SLC39A8: variants seen among roughly 807,000 people sequenced by gnomAD.
SLC39A8 encodes metal cation symporter ZIP8.
SLC39A8 carries 15 observed loss-of-function variants against 40.4 expected under a neutral mutation model. That is an observed-to-expected ratio of 0.37 (90% confidence interval 0.25 to 0.57). The LOEUF is 0.57. Ranked by LOEUF, SLC39A8 falls within the 20% of genes least tolerant of loss-of-function variation. SLC39A8 has a pLI of 0.75. For synonymous variants in SLC39A8, 223 were observed against 221.6 expected (o/e 1.01, Z -0.06); for missense variants, 472 against 558.8 (o/e 0.84, Z 1.57).
At chr4:102,268,689 G>A (rs1278234950) in intron 6 of SLC39A8, among the ~76,000 whole-genome samples, 1 of 152,120 alleles carries the variant, frequency 6.6e-6, no homozygotes, top group African/African-American at 2.4e-5. Context: ...GTAACAATAT[G>A]GTCTCTACCA....
At chr4:102,260,259 C>A (rs996188360), downstream of SLC39A8, among the ~76,000 whole-genome samples, 1 of 152,142 alleles carries the variant, frequency 6.6e-6, no homozygotes, top group Non-Finnish European at 1.5e-5. Context: ...CTGAGACAGC[C>A]GATATCCAGT....
chr4:102,277,001 A>C (rs371345486), intron 6 of SLC39A8, among the ~76,000 whole-genome samples: 1 of 152,182 alleles, frequency 6.6e-6, no homozygotes, highest in Non-Finnish European at 1.5e-5. Flanking sequence ...CAATAATAAG[A>C]ACTATTTATG....
intron 2 of SLC39A8, among the ~76,000 whole-genome samples, chr4:102,336,045 G>T (rs1735656584): frequency 6.6e-6 from 1 of 152,058 alleles, no homozygotes; most frequent in Non-Finnish European, 1.5e-5. Context: ...TTTGAGCCAG[G>T]CCCAATGCTA....
intron 2 of SLC39A8, among the ~76,000 whole-genome samples, chr4:102,324,868 T>C (rs569659566): frequency 4.6e-5 from 7 of 152,260 alleles, no homozygotes; most frequent in South Asian, 2.1e-4. Flanking sequence ...TTGAAACAAG[T>C]GAACCGTCCC....
chr4:102,301,175 C>A (rs1733908404), intron 6 of SLC39A8, among the ~76,000 whole-genome samples: 1 of 151,890 alleles, frequency 6.6e-6, no homozygotes, highest in African/African-American at 2.4e-5. Flanking sequence ...AGGTAGTTTA[C>A]CTAGGTTTAT....
At chr4:102,264,641 G>A (rs1732019122) in intron 8 of SLC39A8, among the ~76,000 whole-genome samples, 1 of 152,162 alleles carries the variant, frequency 6.6e-6, no homozygotes, top group Admixed American at 6.5e-5. Flanking sequence ...GAAAGTCCTG[G>A]ATGGCATGTT....
intron 4 of SLC39A8, among the ~76,000 whole-genome samples, chr4:102,307,146 T>A (rs570513253): frequency 6.6e-6 from 1 of 152,228 alleles, no homozygotes. Context: ...AAATTAAATT[T>A]GCCAAGTGCA....
intron 6 of SLC39A8, among the ~76,000 whole-genome samples, chr4:102,294,079 ATTAAAC>A (rs890641754): frequency 1.4e-4 from 21 of 152,066 alleles, no homozygotes; most frequent in African/African-American, 5.1e-4. Context: ...ACAAAAATAA[ATTAAAC>A]TTAAAATTTT....
chr4:102,318,791 C>G (rs1169129200), intron 2 of SLC39A8, among the ~76,000 whole-genome samples: 1 of 152,186 alleles, frequency 6.6e-6, no homozygotes, highest in African/African-American at 2.4e-5. Context: ...GGAATGCTAT[C>G]TGCCTTAATA....
chr4:102,302,400 T>A (rs903817764), intron 6 of SLC39A8, among the ~76,000 whole-genome samples: 6 of 152,004 alleles, frequency 3.9e-5, no homozygotes, highest in African/African-American at 1.2e-4. Context: ...CAAAAGCTTG[T>A]GTAAGGCAAC....
chr4:102,333,354 T>C (rs1735547707), intron 2 of SLC39A8, among the ~76,000 whole-genome samples: 1 of 152,158 alleles, frequency 6.6e-6, no homozygotes, highest in Non-Finnish European at 1.5e-5. Flanking sequence ...ATTTCATCTC[T>C]ACTACAATCC....
chr4:102,298,297 C>T (rs1733763374), intron 6 of SLC39A8, among the ~76,000 whole-genome samples: 1 of 151,824 alleles, frequency 6.6e-6, no homozygotes, highest in African/African-American at 2.4e-5. Flanking sequence ...AGAGTAAAGC[C>T]AGATAAAATG....
At chr4:102,304,569 A>G (rs2149033170) in intron 5 of SLC39A8, 88 bp from the exon 6 acceptor site, 2 of 1,091,844 alleles carry the variant, frequency 1.8e-6, no homozygotes, top group East Asian at 5.1e-5. Context: ...CTTTTTATTT[A>G]TAAGAGGAAA....
intron 11 of SLC39A8, among the ~76,000 whole-genome samples, chr4:102,254,342 T>G (rs1416792729): frequency 6.6e-6 from 1 of 152,184 alleles, no homozygotes; most frequent in Non-Finnish European, 1.5e-5. Context: ...CAGTAGACAT[T>G]GAATATGTGT....
intron 2 of SLC39A8, among the ~76,000 whole-genome samples, chr4:102,332,959 T>C (rs1056603465): frequency 2.2e-4 from 34 of 152,036 alleles, no homozygotes; most frequent in Admixed American, 2.0e-3. Context: ...AAGTGGGAAT[T>C]GAACAATGAG....
At chr4:102,344,992 T>A (rs1736114750) in intron 1 of SLC39A8, 77 bp from the exon 2 acceptor site, 1 of 963,902 alleles carries the variant, frequency 1.0e-6, no homozygotes, top group Non-Finnish European at 1.3e-6. Flanking sequence ...AAACGCTGCG[T>A]GGCAGTAGCC....
chr4:102,259,624 G>A (rs1222932683), downstream of SLC39A8: 7 of 814,480 alleles, frequency 8.6e-6, no homozygotes, highest in South Asian at 1.9e-5. Context: ...TTCTATACCA[G>A]TTGCTTAGCA....
chr4:102,275,434 A>G (rs550673433), intron 6 of SLC39A8, among the ~76,000 whole-genome samples: 2 of 152,314 alleles, frequency 1.3e-5, no homozygotes, highest in East Asian at 3.9e-4. Flanking sequence ...AGAGCTAACT[A>G]TACTAAATAT....
downstream of SLC39A8, chr4:102,261,599 C>T (rs1406844836): frequency 6.2e-6 from 4 of 645,196 alleles, no homozygotes; most frequent in Non-Finnish European, 7.7e-6. Context: ...ATATCTCTCC[C>T]CCATAATACC....
Sources: allele counts gnomAD v4.1 joint callset (sites outside exome capture counted in the v4.1 genomes callset), GRCh38; gene constraint gnomAD v4.1.1; transcripts MANE v1.5; gene names NCBI Gene and HGNC (gene_info 2026-07-23, HGNC 2026-07-21).